ZNF362: variants seen among roughly 807,000 people sequenced by gnomAD.
ZNF362 encodes the protein rotund homolog.
A neutral mutation model predicts 42.9 loss-of-function variants in ZNF362; 11 were observed. The observed-to-expected ratio is 0.26, with a 90% CI of 0.16 to 0.42. The LOEUF is 0.42. Among genes scored for constraint, ZNF362 ranks in the 20% least tolerant of loss-of-function variants. The pLI is 1.00. For missense variants in ZNF362, 362 were observed against 576.2 expected (o/e 0.63, Z 3.81); for synonymous variants, 255 against 257.3 (o/e 0.99, Z 0.09).
At chr1:33,275,650 CA>C (rs1471252226) in intron 2 of ZNF362, among the ~76,000 whole-genome samples, 3 of 152,286 alleles carry the variant, frequency 2.0e-5, no homozygotes, top group African/African-American at 7.2e-5. Context: ...CTCAAGGGGT[CA>C]GGGGGCAGAA....
At chr1:33,272,511 G>A (rs1645911954) in intron 2 of ZNF362, among the ~76,000 whole-genome samples, 1 of 152,194 alleles carries the variant, frequency 6.6e-6, no homozygotes, top group South Asian at 2.1e-4. Flanking sequence ...TAGAATAAGA[G>A]AAACAAAATG....
Position 33,276,381 on chromosome 1 carries a change from GAGC to G in ZNF362, c.140_142del (p.Gln47del). 6.4e-7 allele frequency: 1 copy of G among 1,568,694 alleles called. No homozygotes were observed. The highest frequency in any genetic ancestry group is 8.6e-7 in the Non-Finnish European group (1 of 1,156,846). ...CCTGGTTCTGATTAACAAGATCAAGGAGCAGCTGATGGCCGAGAAGATCAGGCC... is the reference window on the plus strand; with the variant it reads ...CCTGGTTCTGATTAACAAGATCAAGGAGCTGATGGCCGAGAAGATCAGGCC... On this transcript the variant is annotated inframe_deletion, in exon 4 of 9. Transcript: ENST00000539719.
chr1:33,131,891 A>G, the ZNF362 span, among the ~76,000 whole-genome samples: 1 of 151,276 alleles, frequency 6.6e-6, no homozygotes, highest in Non-Finnish European at 1.5e-5. Flanking sequence ...TTTTTTTTTC[A>G]TTGAAAGTAA....
In ZNF362 at chr1:33,281,685, C is replaced by T; in HGVS notation, c.782C>T (p.Ser261Phe). Reference sequence around the variant, plus strand: ...AAGCCCCACAAGTGCCCGCACTGCTCCAAGTCCTTTGCCAACGCCTCCTAC... The same window carrying T: ...AAGCCCCACAAGTGCCCGCACTGCTTCAAGTCCTTTGCCAACGCCTCCTAC... ...EAKPHKCPHC[S>F]KSFANASYLA... The change falls in exon 6 of 9, where the codon TCC (serine) becomes TTC (phenylalanine). Residue 261 changes from serine to phenylalanine, a missense_variant. Coordinates refer to ENST00000539719, the MANE Select transcript of ZNF362 (RefSeq NM_152493.3). The surrounding 1 kb of genome is among the most constrained non-coding windows in gnomAD (Gnocchi z 4.8). The T allele has an allele frequency of 6.2e-7, 1 of 1,614,250 alleles. No individual in the cohort carries two copies.
chr1:33,147,603 G>A, the ZNF362 span: 184 of 1,614,106 alleles, frequency 1.1e-4, no homozygotes, highest in African/African-American at 2.3e-3. This position sits in a 1 kb window ranked among gnomAD's most constrained non-coding sequence, Gnocchi z 8.1. Context: ...CCTCCACATC[G>A]AAGCGCTTTG....
chr1:33,287,074 C>G (rs1456652269), intron 6 of ZNF362, among the ~76,000 whole-genome samples: 9 of 152,186 alleles, frequency 5.9e-5, no homozygotes, highest in Admixed American at 2.0e-4. Flanking sequence ...GAGGGACTTG[C>G]AAAGTGTTGA....
chr1:33,230,683 G>A, the ZNF362 span, among the ~76,000 whole-genome samples: 1 of 152,226 alleles, frequency 6.6e-6, no homozygotes, highest in East Asian at 1.9e-4. Context: ...CTTGTGATTG[G>A]TTATACAGCA....
chr1:33,298,754 A>C (rs1017384406), intron 8 of ZNF362, among the ~76,000 whole-genome samples, 176 bp from the exon 9 acceptor site: 3 of 152,224 alleles, frequency 2.0e-5, no homozygotes, highest in African/African-American at 7.2e-5. Context: ...TACTGGCAGC[A>C]GTGCAGTGTC....
the ZNF362 span, among the ~76,000 whole-genome samples, chr1:33,187,012 A>C: frequency 6.6e-6 from 1 of 151,876 alleles, no homozygotes; most frequent in Non-Finnish European, 1.5e-5. Context: ...AGGCAGCCCC[A>C]TAAGGGTGCA....
chr1:33,238,110 C>T, the ZNF362 span, among the ~76,000 whole-genome samples: 2 of 152,034 alleles, frequency 1.3e-5, no homozygotes, highest in East Asian at 3.9e-4. Flanking sequence ...AGAGGTCAGG[C>T]GTTCAAGACC....
chr1:33,256,144 G>C (rs1468932497), upstream of ZNF362, among the ~76,000 whole-genome samples: 4 of 149,546 alleles, frequency 2.7e-5, no homozygotes, highest in African/African-American at 9.8e-5. Context: ...GGCGCGGGCG[G>C]GGGGCGCAGC....
At chr1:33,237,254 T>A in the ZNF362 span, among the ~76,000 whole-genome samples, 2 of 152,210 alleles carry the variant, frequency 1.3e-5, no homozygotes, top group East Asian at 3.8e-4. Flanking sequence ...TATTATCTGT[T>A]AAGAGCTTAA....
chr1:33,233,126 C>T, the ZNF362 span, among the ~76,000 whole-genome samples: 4 of 152,216 alleles, frequency 2.6e-5, no homozygotes. Context: ...AGGCTCTCTG[C>T]TCCTTTCCAT....
the ZNF362 span, among the ~76,000 whole-genome samples, chr1:33,174,724 G>A: frequency 6.6e-6 from 1 of 152,028 alleles, no homozygotes; most frequent in Non-Finnish European, 1.5e-5. Flanking sequence ...AGTACTCAGC[G>A]TATCTTTTAG....
At chr1:33,250,883 G>GAAGAAGAAGAAA in the ZNF362 span, among the ~76,000 whole-genome samples, 10 of 151,960 alleles carry the variant, frequency 6.6e-5, no homozygotes, top group Non-Finnish European at 1.2e-4. Context: ...AGAAGAAGAA[G>GAAGAAGAAGAAA]AAGAAGAAGA....
At chr1:33,136,358 CTCTG>C in the ZNF362 span, among the ~76,000 whole-genome samples, 1 of 145,392 alleles carries the variant, frequency 6.9e-6, no homozygotes, top group South Asian at 2.2e-4. Context: ...TTCTCTCTCT[CTCTG>C]TCTTTCTTTC....
chr1:33,128,422 C>T, the ZNF362 span, among the ~76,000 whole-genome samples: 1 of 152,080 alleles, frequency 6.6e-6, no homozygotes, highest in Admixed American at 6.6e-5. Flanking sequence ...CAGAACAGCA[C>T]CTGACACATG....
At chr1:33,162,215 C>T in the ZNF362 span, among the ~76,000 whole-genome samples, 2 of 152,194 alleles carry the variant, frequency 1.3e-5, no homozygotes, top group African/African-American at 2.4e-5. Context: ...ATGCTGAACT[C>T]TTTAGTCTGG....
chr1:33,157,449 T>C, the ZNF362 span, among the ~76,000 whole-genome samples: 159 of 152,272 alleles, frequency 1.0e-3, no homozygotes, highest in African/African-American at 3.6e-3. Flanking sequence ...CTGGACCACC[T>C]GTCTAAAATC....
Sources: gnomAD v4.1 joint callset for allele counts (sites outside exome capture counted in the v4.1 genomes callset) on GRCh38, gnomAD v4.1.1 for gene constraint, Gnocchi (gnomAD v3.1) non-coding constraint, MANE v1.5 for transcripts, NCBI Gene and HGNC (gene_info 2026-07-23, HGNC 2026-07-21) for gene names.